The following RRP1B variants were observed in gnomAD, a reference collection of about 807,000 sequenced individuals.
The protein encoded by RRP1B is ribosomal RNA processing protein 1 homolog B.
A neutral mutation model predicts 80.2 loss-of-function variants in RRP1B; 56 were observed. The ratio of observed to expected loss-of-function variants is 0.70; its 90% confidence interval spans 0.56 to 0.87. The LOEUF (loss-of-function observed/expected upper bound fraction) is 0.87, where lower values mean the gene tolerates loss of function less well. Ranked by LOEUF, RRP1B falls within the 40% of genes least tolerant of loss-of-function variation. The probability of loss-of-function intolerance (pLI) is 0.00; values close to 1 mark genes in which losing one functional copy is unlikely to be tolerated. For synonymous variants in RRP1B, 351 were observed against 357.6 expected (o/e 0.98, Z 0.21); for missense variants, 807 against 939.8 (o/e 0.86, Z 1.85).
intron 2 of RRP1B, among the ~76,000 whole-genome samples, chr21:43,670,915 T>A (rs1481042565): frequency 1.3e-5 from 2 of 152,196 alleles, no homozygotes; most frequent in Non-Finnish European, 2.9e-5. Flanking sequence ...CGTAATAACT[T>A]GTTTTAATTT....
Position 43,686,793 on chromosome 21 carries a change from C to T in RRP1B, c.1010-11C>T. 6.2e-7 allele frequency: 1 copy of T among 1,613,814 alleles called. No individual in the cohort carries two copies. Among genetic ancestry groups the T allele is most frequent in the Non-Finnish European group, 8.5e-7 (1 of 1,179,882 alleles). On this transcript the variant is annotated splice_polypyrimidine_tract_variant and intron_variant, in intron 11 of 15. Coordinates refer to ENST00000340648, the MANE Select transcript of RRP1B (RefSeq NM_015056.3). ...CTGGGGAAGCTAACAGTGTGTCACT[C>T]TGGCATCTAGGAAGCAGTATATCTC...
intron 2 of RRP1B, among the ~76,000 whole-genome samples, chr21:43,671,367 C>CTT (rs1021875194): frequency 0.02 from 2,520 of 128,752 alleles, 63 homozygotes; most frequent in African/African-American, 0.048. Context: ...ATGAAGTTTT[C>CTT]TTTTTTTTTT....
chr21:43,686,793 C>G lies in RRP1B; in HGVS notation c.1010-11C>G, dbSNP rs1258076093. The G allele has an allele frequency of 9.3e-6, 15 of 1,613,696 alleles. No individual in the cohort carries two copies. Among genetic ancestry groups the G allele is most frequent in the Non-Finnish European group, 1.2e-5 (14 of 1,179,890 alleles). ...CTGGGGAAGCTAACAGTGTGTCACT[C>G]TGGCATCTAGGAAGCAGTATATCTC... On this transcript the variant is annotated splice_polypyrimidine_tract_variant and intron_variant, in intron 11 of 15. Coordinates refer to ENST00000340648, the MANE Select transcript of RRP1B (RefSeq NM_015056.3).
intron 12 of RRP1B, 21 bp downstream of exon 12, chr21:43,686,956 G>C: frequency 6.2e-7 from 1 of 1,609,826 alleles, no homozygotes; most frequent in Non-Finnish European, 8.5e-7. Flanking sequence ...AAGCTAAAAA[G>C]AAGGGCACGA....
rs147734499 is a variant in RRP1B at position 43,691,201 on chromosome 21, C to T, written c.2020-238C>T. On this transcript the variant is annotated intron_variant, in intron 14 of 15. Transcript: ENST00000340648. The surrounding 1 kb of genome is among the most constrained non-coding windows in gnomAD (Gnocchi z 4.2). ...GAGTGTGGGCACCACTGACCCTGGG[C>T]TGGGGGGTTGCGTGTGTGGGACGCT... Among the ~76,000 whole-genome samples the T allele has an allele frequency of 6.6e-6, 1 of 152,166 alleles. No individual in the cohort carries two copies.
chr21:43,669,237 G>A (rs1414888010), intron 1 of RRP1B, among the ~76,000 whole-genome samples: 1 of 152,078 alleles, frequency 6.6e-6, no homozygotes, highest in African/African-American at 2.4e-5. Flanking sequence ...ACCTGGTGAT[G>A]CCACAGTAAA....
chr21:43,674,945 G>T, intron 5 of RRP1B, 89 bp from the exon 6 acceptor site: 11 of 1,513,624 alleles, frequency 7.3e-6, no homozygotes, highest in Non-Finnish European at 9.9e-6. Flanking sequence ...AGGCTGTGTA[G>T]GTTCTAGACG....
chr21:43,690,255 C>T (rs1376691871), intron 13 of RRP1B, 33 bp from the exon 14 acceptor site: 3 of 1,610,538 alleles, frequency 1.9e-6, no homozygotes, highest in Non-Finnish European at 1.7e-6. Context: ...GTCGTCTGAC[C>T]CCTCCTCCGC....
At chr21:43,668,360 CT>C (rs767474011) in intron 1 of RRP1B, among the ~76,000 whole-genome samples, 1,549 of 140,322 alleles carry the variant, frequency 0.011, 9 homozygotes, top group Non-Finnish European at 0.014. Flanking sequence ...CTTTTTGTCA[CT>C]TTTTTTTTTT....
intron 5 of RRP1B, 40 bp from the exon 6 acceptor site, chr21:43,674,994 G>A (rs370908361): frequency 1.9e-6 from 3 of 1,610,412 alleles, no homozygotes; most frequent in Non-Finnish European, 2.5e-6. Context: ...GGACGTGTTG[G>A]CATACTGTCA....
chr21:43,670,830 C>T (rs1459534399), intron 2 of RRP1B, among the ~76,000 whole-genome samples: 1 of 152,198 alleles, frequency 6.6e-6, no homozygotes, highest in Non-Finnish European at 1.5e-5. Flanking sequence ...GTCTCTGATG[C>T]AGATGACAGG....
At position 43,675,171 on chromosome 21, in the gene RRP1B, G is replaced by C. The variant is rs779957786; in HGVS notation, c.549+8G>C. 11 of 1,613,104 alleles carry C rather than the reference G, an allele frequency of 6.8e-6. No individual in the cohort carries two copies. The Middle Eastern group carries it at 6.7e-4, about 98-fold the overall frequency. ...AAAGTCGGGGGGAAGGAGGTAAGCAGCTGCCGACAGGCTGCCCACGGGGTG... is the reference window on the plus strand; with the variant it reads ...AAAGTCGGGGGGAAGGAGGTAAGCACCTGCCGACAGGCTGCCCACGGGGTG... On this transcript the variant is annotated splice_region_variant and intron_variant, in intron 6 of 15. Transcript: ENST00000340648.
intron 8 of RRP1B, among the ~76,000 whole-genome samples, chr21:43,682,915 C>G (rs1052394055): frequency 6.6e-6 from 1 of 152,266 alleles, no homozygotes; most frequent in Admixed American, 6.5e-5. Flanking sequence ...CGTTGTCGCC[C>G]GGGCTGGAGT....
At position 43,667,908 on chromosome 21, in the gene RRP1B, T is replaced by C. The variant is rs1361937986; in HGVS notation, c.131-1976T>C. ...CCTGGTTTTACATGGAAAACTATCA[T>C]AAAAGAATCAAAATGCAGGCCGGGT... On this transcript the variant is annotated intron_variant, in intron 1 of 15. Transcript: ENST00000340648. 3.3e-5 allele frequency among the ~76,000 whole-genome samples: 5 copies of C among 152,260 alleles called. No homozygotes were observed. The East Asian group carries it at 7.7e-4, about 23-fold the overall frequency.
At chr21:43,664,514 T>A (rs1240950511) in intron 1 of RRP1B, among the ~76,000 whole-genome samples, 1 of 152,216 alleles carries the variant, frequency 6.6e-6, no homozygotes, top group African/African-American at 2.4e-5. Context: ...GTGATAGAAC[T>A]GAGGCCCAAA....
rs1316304051 is a variant in RRP1B, at chr21:43,688,239, T to C, written c.1865T>C (p.Leu622Pro). Residue 622 changes from leucine (L) to proline (P), a missense_variant and splice_region_variant, in exon 13 of 16, where the codon CTG (leucine) becomes CCG (proline). By Grantham distance (98) the Leu-to-Pro change is moderately conservative (BLOSUM62 -3). Coordinates refer to ENST00000340648, the MANE Select transcript of RRP1B (RefSeq NM_015056.3). ...TCCGAAGCTGGGCAACCCCAGGCTC[T>C]GGTAAGGTGGGAGCACCCACAGGCC... ...LESEAGQPQALGSSGTCSSLK... is the reference protein window; with the variant it reads ...LESEAGQPQAPGSSGTCSSLK... 2 of 1,538,822 alleles carry C rather than the reference T, an allele frequency of 1.3e-6. No homozygotes were observed. Among genetic ancestry groups the C allele is most frequent in the African/African-American group, 2.7e-5 (2 of 73,476 alleles).
chr21:43,684,127 G>A (rs13053003), intron 9 of RRP1B, among the ~76,000 whole-genome samples: 75,337 of 147,040 alleles, frequency 0.51, 20,760 homozygotes, highest in East Asian at 0.72. Flanking sequence ...GCTGGAGTGC[G>A]GTGGCTCGAT....
intron 8 of RRP1B, among the ~76,000 whole-genome samples, chr21:43,679,619 C>T (rs2083035672): frequency 6.6e-6 from 1 of 152,108 alleles, no homozygotes. Context: ...TATGCAGGCT[C>T]TTTTTTGATT....
chr21:43,660,275 G>A (rs2082946067), intron 1 of RRP1B, among the ~76,000 whole-genome samples: 1 of 152,200 alleles, frequency 6.6e-6, no homozygotes, highest in Non-Finnish European at 1.5e-5. Flanking sequence ...ATGAAAACCA[G>A]GTAGCAGGCC....
Sources: allele counts gnomAD v4.1 joint callset (sites outside exome capture counted in the v4.1 genomes callset), GRCh38; gene constraint gnomAD v4.1.1; non-coding constraint Gnocchi (gnomAD v3.1); transcripts MANE v1.5; gene names NCBI Gene and HGNC (gene_info 2026-07-23, HGNC 2026-07-21).